The following ZNF225 variants were observed in gnomAD, a reference collection of about 807,000 sequenced individuals.
ZNF225 encodes zinc finger protein 225.
ZNF225 carries 6 observed loss-of-function variants against 12.0 expected under a neutral mutation model. The ratio of observed to expected loss-of-function variants is 0.50; its 90% CI spans 0.27 to 0.98. The LOEUF (loss-of-function observed/expected upper bound fraction) is 0.98, where lower values mean the gene tolerates loss of function less well. Ranked by LOEUF, ZNF225 falls within the 50% of genes least tolerant of loss-of-function variation. The pLI is 0.11. For missense variants in ZNF225, 763 were observed against 848.2 expected (o/e 0.90, Z 1.25); for synonymous variants, 271 against 283.2 (o/e 0.96, Z 0.43).
chr19:44,131,509 A>G lies in ZNF225; in HGVS notation c.895A>G (p.Ser299Gly), dbSNP rs1265791886. 1.2e-6 allele frequency: 2 copies of G among 1,614,040 alleles called. No homozygotes were observed. Among genetic ancestry groups the G allele is most frequent in the African/African-American group, 2.7e-5 (2 of 74,918 alleles). ...KCDICCKSFR[S>G]RANLNRHSMV... ...TGATATATGTTGTAAGAGCTTCCGT[A>G]GTAGAGCAAATCTTAATAGGCATTC... The change falls in exon 5 of 5, where the codon AGT (serine) becomes GGT (glycine). Residue 299 changes from serine to glycine, a missense_variant. By Grantham distance (56) the Ser-to-Gly change is moderately conservative (BLOSUM62 0). Transcript: ENST00000262894.
intron 4 of ZNF225, chr19:44,128,959 C>G (rs1315010358): frequency 4.8e-6 from 4 of 831,606 alleles, no homozygotes; most frequent in Non-Finnish European, 6.4e-6. Context: ...GGCATGACCC[C>G]TTAGGCGTTC....
chr19:44,119,646 C>A (rs182949020), intron 4 of ZNF225, among the ~76,000 whole-genome samples: 1 of 152,310 alleles, frequency 6.6e-6, no homozygotes, highest in East Asian at 1.9e-4. Flanking sequence ...TCACAATGAC[C>A]TCTCTTTCTT....
intron 4 of ZNF225, among the ~76,000 whole-genome samples, chr19:44,121,290 C>T (rs936030255): frequency 2.0e-5 from 3 of 152,198 alleles, no homozygotes; most frequent in Non-Finnish European, 2.9e-5. Context: ...ATAATAGTCT[C>T]CAGTCTCATC....
intron 4 of ZNF225, chr19:44,128,743 C>T (rs990581213): frequency 1.0e-5 from 3 of 291,968 alleles, no homozygotes; most frequent in Non-Finnish European, 1.9e-5. Context: ...GGCACCTTTC[C>T]TGTTTGTCAC....
Position 44,130,848 on chromosome 19 carries a change from AG to A in ZNF225, c.236del. 1.2e-6 allele frequency: 2 copies of A among 1,604,990 alleles called. No homozygotes were observed. The highest frequency in any genetic ancestry group is 1.7e-6 in the Non-Finnish European group (2 of 1,175,608). On this transcript the variant is annotated splice_acceptor_variant, in intron 4 of 4. Coordinates refer to ENST00000262894, the MANE Select transcript of ZNF225 (RefSeq NM_013362.4). LOFTEE classifies it high-confidence loss of function. ...ACATCTCTTAATTCTGTGTCATTAT[AG>A]GAGGCAAGATCCAAATGGAGATGGA...
intron 4 of ZNF225, among the ~76,000 whole-genome samples, chr19:44,125,645 A>G (rs1968133390): frequency 6.6e-6 from 1 of 152,176 alleles, no homozygotes. Context: ...AGCTTTTAGA[A>G]TTCTCTTCTT....
intron 4 of ZNF225, among the ~76,000 whole-genome samples, chr19:44,119,653 T>A (rs540311030): frequency 3.3e-5 from 5 of 152,326 alleles, no homozygotes; most frequent in African/African-American, 1.2e-4. Context: ...GACCTCTCTT[T>A]CTTGTTAGCT....
Position 44,131,885 on chromosome 19 carries a change from G to C in ZNF225, c.1271G>C (p.Gly424Ala), listed in dbSNP as rs1351307430. Residue 424 changes from glycine to alanine, a missense_variant, in exon 5 of 5, where the codon GGA (glycine) becomes GCA (alanine). Transcript: ENST00000262894. ...QRYSHQRAHS[G>A]EKPYRCEECG... The stretch of plus-strand genomic sequence containing the variant: ...TATTCTCACCAGAGAGCGCACAGTG[G>C]AGAAAAGCCATATAGATGTGAGGAG... The C allele has an allele frequency of 1.2e-6, 2 of 1,614,076 alleles. No homozygotes were observed. Among genetic ancestry groups the C allele is most frequent in the Non-Finnish European group, 1.7e-6 (2 of 1,180,046 alleles).
chr19:44,130,769 G>T (rs1968231734), intron 4 of ZNF225, 81 bp from the exon 5 acceptor site: 1 of 1,163,966 alleles, frequency 8.6e-7, no homozygotes. Context: ...AAAATTTCAG[G>T]CTATGTCCTA....
intron 3 of ZNF225, 52 bp downstream of exon 3, chr19:44,118,366 T>A: frequency 1.2e-6 from 2 of 1,608,098 alleles, no homozygotes; most frequent in Non-Finnish European, 1.7e-6. Context: ...AGTGGCTTTG[T>A]ATCCTAGAGT....
chr19:44,131,640 A>G lies in ZNF225; in HGVS notation c.1026A>G (p.Lys342=). The G allele has an allele frequency of 6.8e-6, 11 of 1,614,166 alleles. No individual in the cohort carries two copies. The highest frequency in any genetic ancestry group is 9.3e-6 in the Non-Finnish European group (11 of 1,180,022). ...ATCGCATGGTCCACACAGGAGAGAA[A>G]CGGTACAAATGTGAGGAATGTGGAA... ...NSHRMVHTGE[K]RYKCEECGKR... Residue 342 remains lysine, a synonymous_variant, in exon 5 of 5, where the codon AAA becomes AAG. Transcript: ENST00000262894.
At chr19:44,122,692 T>G (rs114005834) in intron 4 of ZNF225, among the ~76,000 whole-genome samples, 6,754 of 152,258 alleles carry the variant, frequency 0.044, 185 homozygotes, top group South Asian at 0.071. Context: ...TTCTGTAGTT[T>G]TCCTTGTAGA....
intron 2 of ZNF225, among the ~76,000 whole-genome samples, chr19:44,117,012 T>A (rs975348893): frequency 2.6e-5 from 4 of 152,150 alleles, no homozygotes; most frequent in African/African-American, 9.7e-5. Flanking sequence ...TATATAAAAT[T>A]AAAGATTATT....
chr19:44,115,825 A>T lies in ZNF225; in HGVS notation c.-3A>T. On this transcript the variant is annotated 5_prime_UTR_variant, in exon 2 of 5. Transcript: ENST00000262894. The stretch of plus-strand genomic sequence containing the variant: ...CTGAATATTCCCTGAAATAGGAGGA[A>T]AAATGACCACGTTGAAGGTGAGTAG... The T allele has an allele frequency of 6.2e-7, 1 of 1,613,264 alleles. No individual in the cohort carries two copies. Among genetic ancestry groups the T allele is most frequent in the Non-Finnish European group, 8.5e-7 (1 of 1,179,576 alleles).
intron 4 of ZNF225, among the ~76,000 whole-genome samples, chr19:44,120,612 G>T (rs1968033314): frequency 6.6e-6 from 1 of 152,108 alleles, no homozygotes; most frequent in Admixed American, 6.5e-5. Context: ...TTAGGTATGT[G>T]CAGTTCACCT....
chr19:44,127,830 C>CAA (rs1968178513), intron 4 of ZNF225, among the ~76,000 whole-genome samples: 1 of 151,822 alleles, frequency 6.6e-6, no homozygotes. Flanking sequence ...TTAGTAGAGA[C>CAA]AGAGTTTCAC....
chr19:44,133,806 C>CCAGAGA lies in ZNF225; in HGVS notation c.*1071_*1072insCAGAGA, dbSNP rs1409152745. The stretch of plus-strand genomic sequence containing the variant: ...GATTTGATTTTTATAATCAAATCTA[C>CCAGAGA]TAGAGATAGATTTGATTTTTATAAT... On this transcript the variant is annotated 3_prime_UTR_variant, in exon 5 of 5. Coordinates refer to ENST00000262894, the MANE Select transcript of ZNF225 (RefSeq NM_013362.4). 21 of 136,592 alleles carry CCAGAGA rather than the reference C, an allele frequency of 1.5e-4. 1 individual carries two copies. The highest frequency in any genetic ancestry group is 5.7e-4 in the African/African-American group (19 of 33,378). 8.5% of individuals were successfully genotyped at this position (136,592 alleles called of 1,614,324 possible).
chr19:44,125,573 G>T (rs534897569), intron 4 of ZNF225, among the ~76,000 whole-genome samples: 1 of 152,274 alleles, frequency 6.6e-6, no homozygotes, highest in Non-Finnish European at 1.5e-5. Context: ...GTATTTGGTT[G>T]TCTAGGTGTC....
intron 4 of ZNF225, chr19:44,130,260 A>AC (rs1352391794): frequency 6.6e-6 from 1 of 152,204 alleles, no homozygotes; most frequent in African/African-American, 2.4e-5. Flanking sequence ...TTAGCTAGTT[A>AC]TGGTGGTATG....
Sources: allele counts gnomAD v4.1 joint callset (sites outside exome capture counted in the v4.1 genomes callset), GRCh38; gene constraint gnomAD v4.1.1; transcripts MANE v1.5; gene names NCBI Gene and HGNC (gene_info 2026-07-23, HGNC 2026-07-21).